CCDC116: variants seen among roughly 807,000 people sequenced by gnomAD.
CCDC116 encodes the protein coiled-coil domain containing 116.
A neutral mutation model predicts 29.4 loss-of-function variants in CCDC116; 24 were observed. The observed-to-expected ratio is 0.82, with a 90% CI of 0.59 to 1.15. CCDC116 has a LOEUF of 1.15. Among genes scored for constraint, CCDC116 ranks in the 50% most tolerant of loss-of-function variants. The pLI is 0.00. For synonymous variants in CCDC116, 298 were observed against 331.4 expected, an observed-to-expected ratio of 0.90 and a Z score of 1.10; for missense variants, 791 against 804.0, an observed-to-expected ratio of 0.98 and a Z score of 0.20.
At chr22:21,636,029 C>G (rs1263935057) in intron 4 of CCDC116, among the ~76,000 whole-genome samples, 1 of 152,230 alleles carries the variant, frequency 6.6e-6, no homozygotes, top group African/African-American at 2.4e-5. Flanking sequence ...ACTGGTGGGT[C>G]TCCAGCACGG....
rs1203451357 is a variant in CCDC116, at chr22:21,637,297, G to C, written c.*227G>C. 1 of 469,020 alleles carries C rather than the reference G, an allele frequency of 2.1e-6. No individual in the cohort carries two copies. The highest frequency in any genetic ancestry group is 3.6e-6 in the Non-Finnish European group (1 of 277,924). 29.1% of individuals were successfully genotyped at this position (469,020 alleles called of 1,614,324 possible). A position where few individuals can be genotyped will look rare whatever the true frequency, so the allele number is the denominator to read the frequency against. ...AGTGAAAGAAATAGAAATAAAGCCT[G>C]TGTTGCTGGGACACAGGTTTGCTGT... On this transcript the variant is annotated 3_prime_UTR_variant, in exon 5 of 5. Transcript: ENST00000292779.
At chr22:21,636,405 C>T (rs748948706) in intron 4 of CCDC116, 27 bp from the exon 5 acceptor site, 1 of 1,595,884 alleles carries the variant, frequency 6.3e-7, no homozygotes, top group South Asian at 1.1e-5. Flanking sequence ...TGACATGTGT[C>T]CCTTTCCCTC....
chr22:21,634,959 G>T lies in CCDC116; in HGVS notation c.896G>T (p.Arg299Leu). 6.2e-7 allele frequency: 1 copy of T among 1,613,090 alleles called. No individual in the cohort carries two copies. The highest frequency in any genetic ancestry group is 1.1e-5 in the South Asian group (1 of 91,088). Residue 299 changes from arginine to leucine, a missense_variant, in exon 4 of 5, where the codon CGC becomes CTC. Transcript: ENST00000292779. The part of the protein sequence containing the change: ...PGYCPLREPH[R>L]TLNFLADHRL... The stretch of plus-strand genomic sequence containing the variant: ...TACTGTCCGCTCCGTGAGCCCCATC[G>T]CACGCTGAACTTCCTGGCTGACCAC...
Position 21,632,783 on chromosome 22 carries a change from G to T in CCDC116, c.-107G>T. The T allele has an allele frequency of 2.8e-6, 1 of 360,204 alleles. No homozygotes were observed. Among genetic ancestry groups the T allele is most frequent in the Non-Finnish European group, 5.4e-6 (1 of 184,166 alleles). The allele number at this position is 360,204 out of a possible 1,614,324, so 22.3% of individuals were successfully genotyped here. The stretch of plus-strand genomic sequence containing the variant: ...TCGCACTGTGCAGCTGCTCCAGTGA[G>T]GGCGCAGACTGTACTGGCCTGTGCG... On this transcript the variant is annotated 5_prime_UTR_variant, in exon 1 of 5. In the 5' UTR this introduces an upstream ATG that the reference lacks. Transcript: ENST00000292779.
In CCDC116 at chr22:21,637,081, AGCCTG is replaced by A. The variant is rs2066039068; in HGVS notation, c.*13_*17del. 4 of 1,593,912 alleles carry A rather than the reference AGCCTG, an allele frequency of 2.5e-6. No individual in the cohort carries two copies. The Admixed American group carries it at 5.2e-5, about 21-fold the overall frequency. On this transcript the variant is annotated 3_prime_UTR_variant, in exon 5 of 5. Transcript: ENST00000292779. ...GAGGATGGAGTCTAGAGCCTCCCAG[AGCCTG>A]GAGAGGAGGCCTCGGTCAGCCACTC...
Position 21,634,459 on chromosome 22 carries a change from C to T in CCDC116, c.510C>T (p.Gly170=), listed in dbSNP as rs1312077094. Residue 170 remains glycine (G), a synonymous_variant, in exon 3 of 5, where the codon GGC becomes GGT. Coordinates refer to ENST00000292779, the MANE Select transcript of CCDC116 (RefSeq NM_152612.3). ...CHSSLMAGCL[G]SHSRDSDLGA... ...GCAGCCTCATGGCCGGCTGTCTGGG[C>T]TCCCACAGCCGGGACAGTGACCTAG... The T allele has an allele frequency of 6.2e-7, 1 of 1,614,208 alleles. No homozygotes were observed. The highest frequency in any genetic ancestry group is 1.1e-5 in the South Asian group (1 of 91,090).
At chr22:21,635,873 G>C in intron 4 of CCDC116, 1 of 509,072 alleles carries the variant, frequency 2.0e-6, no homozygotes, top group Non-Finnish European at 3.5e-6. Context: ...GTCCCTTGTG[G>C]ACAGCAGCCC....
At chr22:21,632,990 G>T (rs746466917) in intron 1 of CCDC116, 130 bp from the exon 2 acceptor site, 2 of 709,640 alleles carry the variant, frequency 2.8e-6, no homozygotes, top group East Asian at 5.4e-5. Flanking sequence ...ACGCATGGGG[G>T]CCATGGAGCA....
intron 1 of CCDC116, 92 bp from the exon 2 acceptor site, chr22:21,633,028 C>T (rs1258822310): frequency 9.7e-6 from 7 of 722,020 alleles, no homozygotes; most frequent in African/African-American, 5.2e-5. Context: ...ATGAAGGAGG[C>T]GGGGTGCGGG....
At chr22:21,635,901 T>C in intron 4 of CCDC116, 1 of 460,124 alleles carries the variant, frequency 2.2e-6, no homozygotes, top group Non-Finnish European at 3.9e-6. Context: ...GCCGGGGCCT[T>C]GCCTCCTAGG....
chr22:21,635,636 C>T lies in CCDC116; in HGVS notation c.1203+370C>T, dbSNP rs1181168418. On this transcript the variant is annotated intron_variant, in intron 4 of 4. Coordinates refer to ENST00000292779, the MANE Select transcript of CCDC116 (RefSeq NM_152612.3). ...GCAGGAGAAGGGCTCCTTGACCCAC[C>T]ACTCCTAGCAGCCACTGTCACTAAC... is the stretch of plus-strand genomic sequence containing the variant. 5.7e-6 allele frequency: 4 copies of T among 701,050 alleles called. No individual in the cohort carries two copies. The Admixed American group carries it at 6.0e-5, about 11-fold the overall frequency. 43.4% of individuals were successfully genotyped at this position (701,050 alleles called of 1,614,324 possible). A position where few individuals can be genotyped will look rare whatever the true frequency, so the allele number is the denominator to read the frequency against.
At chr22:21,632,964 A>T (rs1213233468) in intron 1 of CCDC116, 137 bp downstream of exon 1, 2 of 697,500 alleles carry the variant, frequency 2.9e-6, no homozygotes, top group South Asian at 3.0e-5. Flanking sequence ...TGACTCTGGA[A>T]ACTGCCTGCC....
chr22:21,633,162 G>T lies in CCDC116; in HGVS notation c.-20G>T. ...AAGAGAGAGGTGGGCAGCAGGCCCG[G>T]TCACCTGCCAGGTGACCACATGGCC... On this transcript the variant is annotated 5_prime_UTR_variant, in exon 2 of 5. Coordinates refer to ENST00000292779, the MANE Select transcript of CCDC116 (RefSeq NM_152612.3). 6.5e-7 allele frequency: 1 copy of T among 1,549,340 alleles called. No individual in the cohort carries two copies. The highest frequency in any genetic ancestry group is 8.7e-7 in the Non-Finnish European group (1 of 1,145,604).
In CCDC116 at chr22:21,633,101, G is replaced by T. The variant is rs942677846; in HGVS notation, c.-62-19G>T. ...TGGACCTATTGGAGACCCTCAGGTT[G>T]TCTCCCCACCCCACGCAGAGAGGAA... On this transcript the variant is annotated intron_variant, in intron 1 of 4. Coordinates refer to ENST00000292779, the MANE Select transcript of CCDC116 (RefSeq NM_152612.3). The T allele has an allele frequency of 5.9e-6, 7 of 1,185,122 alleles. No individual in the cohort carries two copies. Among genetic ancestry groups the T allele is most frequent in the South Asian group, 1.3e-5 (1 of 76,542 alleles). The allele number at this position is 1,185,122 out of a possible 1,614,324, so 73.4% of individuals were successfully genotyped here.
chr22:21,634,352 C>A lies in CCDC116; in HGVS notation c.403C>A (p.Arg135=). The change falls in exon 3 of 5, where the codon CGG becomes AGG. Residue 135 remains arginine, a synonymous_variant. Coordinates refer to ENST00000292779, the MANE Select transcript of CCDC116 (RefSeq NM_152612.3). ...CCGGCCCAGCCTCAGCACCGTACAC[C>A]GGCACCGTGTACGGCCGACCCTCTG... ...HARPSLSTVH[R]HRVRPTLCTG... is the part of the protein sequence containing the mutation. 1 of 1,612,476 alleles carries A rather than the reference C, an allele frequency of 6.2e-7. No homozygotes were observed. The highest frequency in any genetic ancestry group is 8.5e-7 in the Non-Finnish European group (1 of 1,179,350).
Position 21,634,352 on chromosome 22 carries a change from C to G in CCDC116, c.403C>G (p.Arg135Gly), listed in dbSNP as rs149779766. The G allele has an allele frequency of 3.7e-6, 6 of 1,612,476 alleles. No individual in the cohort carries two copies. Among genetic ancestry groups the G allele is most frequent in the Middle Eastern group, 3.3e-4 (2 of 6,058 alleles). ...HARPSLSTVH[R>G]HRVRPTLCTG... ...CCGGCCCAGCCTCAGCACCGTACAC[C>G]GGCACCGTGTACGGCCGACCCTCTG... The change falls in exon 3 of 5, where the codon CGG (arginine) becomes GGG (glycine). Residue 135 changes from arginine to glycine, a missense_variant. Arg to Gly is a moderately radical substitution (Grantham distance 125). Coordinates refer to ENST00000292779, the MANE Select transcript of CCDC116 (RefSeq NM_152612.3).
At position 21,635,255 on chromosome 22, in the gene CCDC116, T is replaced by C. The variant is rs1930748596; in HGVS notation, c.1192T>C (p.Phe398Leu). ...GTCTAGTGCCCAGGTGGCCACCAGA[T>C]TCAAACTCAAGGTGACACCCACGGA... ...SMSSAQVATR[F>L]KLKSPCSSSR... The change falls in exon 4 of 5, where the codon TTC becomes CTC. Residue 398 changes from phenylalanine to leucine, a missense_variant. Coordinates refer to ENST00000292779, the MANE Select transcript of CCDC116 (RefSeq NM_152612.3). 1 of 1,598,696 alleles carries C rather than the reference T, an allele frequency of 6.3e-7. No individual in the cohort carries two copies. The highest frequency in any genetic ancestry group is 1.3e-5 in the African/African-American group (1 of 74,814).
chr22:21,637,254 G>A lies in CCDC116; in HGVS notation c.*184G>A. The A allele has an allele frequency of 1.3e-6, 1 of 792,650 alleles. No individual in the cohort carries two copies. The highest frequency in any genetic ancestry group is 2.4e-5 in the South Asian group (1 of 41,460). 49.1% of individuals were successfully genotyped at this position (792,650 alleles called of 1,614,324 possible). On this transcript the variant is annotated 3_prime_UTR_variant, in exon 5 of 5. Transcript: ENST00000292779. ...CTGAATGCCCACGAGGAGCTCTGCT[G>A]AGACTCTCAAGGGAGCCAGTGAAAG...
intron 4 of CCDC116, 67 bp from the exon 5 acceptor site, chr22:21,636,365 G>A (rs1930798025): frequency 6.9e-7 from 1 of 1,447,398 alleles, no homozygotes; most frequent in Non-Finnish European, 9.4e-7. Flanking sequence ...GGCTGGAAGG[G>A]GTGTCACAGA....
Sources: allele counts gnomAD v4.1 joint callset (sites outside exome capture counted in the v4.1 genomes callset), GRCh38; gene constraint gnomAD v4.1.1; transcripts MANE v1.5; gene names NCBI Gene and HGNC (gene_info 2026-07-23, HGNC 2026-07-21).